Variants in ZFHX3 observed in about 807,000 individuals in gnomAD.
ZFHX3 encodes the protein zinc finger homeobox 3.
A neutral mutation model predicts 279.1 loss-of-function variants in ZFHX3; 42 were observed. That is an observed-to-expected ratio of 0.15 (90% confidence interval 0.12 to 0.19). The LOEUF is 0.19. ZFHX3 is among the 10% of genes least tolerant of loss of function. The pLI is 1.00. For missense variants in ZFHX3, 4,981 were observed against 4,754.0 expected (o/e 1.05, Z -1.40); for synonymous variants, 2,293 against 1,957.8 (o/e 1.17, Z -4.52).
At chr16:73,453,761 C>T (rs989810656) in intron 3 of ZFHX3, among the ~76,000 whole-genome samples, 46 of 152,322 alleles carry the variant, frequency 3.0e-4, no homozygotes, top group African/African-American at 1.0e-3. Flanking sequence ...GCTTCACAAT[C>T]ATGGTGGAAG....
intron 4 of ZFHX3, among the ~76,000 whole-genome samples, chr16:73,278,843 C>T (rs927351657): frequency 5.3e-5 from 8 of 152,206 alleles, no homozygotes; most frequent in Non-Finnish European, 7.4e-5. Context: ...AATCCCCTTG[C>T]TAGCTACAGA....
At position 73,671,903 on chromosome 16, in the gene ZFHX3, T is replaced by C. The variant is rs1037031610; in HGVS notation, c.-1547+8277A>G. ...ATATACATCTCTCTCATTATACATATAGAAAAAGCATGTCTCACTTGCCAA... is the reference window on the plus strand; with the variant it reads ...ATATACATCTCTCTCATTATACATACAGAAAAAGCATGTCTCACTTGCCAA... On this transcript the variant is annotated intron_variant, in intron 2 of 17. Transcript: ENST00000641206. Among the ~76,000 whole-genome samples the C allele has an allele frequency of 9.2e-5, 14 of 152,004 alleles. 1 individual carries two copies. Among genetic ancestry groups the C allele is most frequent in the Admixed American group, 8.5e-4 (13 of 15,262 alleles).
rs577925766 is a variant in ZFHX3 at position 73,091,804 on chromosome 16, A to G, written c.-533+1431T>C. ...GCCACAAGGATCACTGTAGCTGAAAACCCTGAGAATATCTATAAGGGTATT... is the reference window on the plus strand; with the variant it reads ...GCCACAAGGATCACTGTAGCTGAAAGCCCTGAGAATATCTATAAGGGTATT... On this transcript the variant is annotated intron_variant, in intron 8 of 17. Coordinates refer to the ZFHX3 transcript ENST00000641206. 1.2e-4 allele frequency among the ~76,000 whole-genome samples: 19 copies of G among 152,196 alleles called. No homozygotes were observed. The South Asian group carries it at 3.5e-3, about 28-fold the overall frequency.
chr16:73,060,721 T>C (rs1965673242), upstream of ZFHX3: 2 of 152,242 alleles, frequency 1.3e-5, no homozygotes, highest in Non-Finnish European at 2.9e-5. Context: ...ACAACATTTA[T>C]GTTTTTGAAG....
At chr16:73,845,135 T>A (rs1302909311) in intron 1 of ZFHX3, among the ~76,000 whole-genome samples, 1 of 152,176 alleles carries the variant, frequency 6.6e-6, no homozygotes, top group Non-Finnish European at 1.5e-5. Flanking sequence ...TTTGAAGTCA[T>A]TTTGAAATAA....
chr16:73,056,775 T>C (rs1965565497), intron 1 of ZFHX3, among the ~76,000 whole-genome samples: 2 of 152,240 alleles, frequency 1.3e-5, no homozygotes, highest in South Asian at 2.1e-4. Context: ...CTATTGATTA[T>C]GCAGATTGTG....
At chr16:73,666,560 A>G (rs901234897) in intron 2 of ZFHX3, among the ~76,000 whole-genome samples, 8 of 152,026 alleles carry the variant, frequency 5.3e-5, no homozygotes, top group African/African-American at 1.9e-4. Flanking sequence ...ATGTGAGGAC[A>G]TCACGTCAGA....
intron 5 of ZFHX3, among the ~76,000 whole-genome samples, chr16:73,253,190 A>G (rs2013561078): frequency 6.6e-6 from 1 of 152,166 alleles, no homozygotes; most frequent in Non-Finnish European, 1.5e-5. Context: ...AGATGTAAAG[A>G]AAGAAGGAGA....
intron 5 of ZFHX3, among the ~76,000 whole-genome samples, chr16:73,214,994 G>A (rs1237352388): frequency 1.3e-5 from 2 of 151,988 alleles, no homozygotes; most frequent in African/African-American, 4.8e-5. Flanking sequence ...TACAAAGTAT[G>A]GAACTGCAAT....
At chr16:73,085,181 A>G (rs1485924376) in intron 8 of ZFHX3, among the ~76,000 whole-genome samples, 1 of 152,252 alleles carries the variant, frequency 6.6e-6, no homozygotes, top group Non-Finnish European at 1.5e-5. Context: ...GTACTAGCAT[A>G]GAAACAGCCA....
At chr16:73,595,859 G>C (rs1222263586) in intron 2 of ZFHX3, among the ~76,000 whole-genome samples, 1 of 152,062 alleles carries the variant, frequency 6.6e-6, no homozygotes, top group African/African-American at 2.4e-5. Context: ...CCTCACCTCT[G>C]CATCCCATCT....
chr16:72,871,662 A>C (rs1177989599), intron 4 of ZFHX3, among the ~76,000 whole-genome samples: 2 of 151,396 alleles, frequency 1.3e-5, no homozygotes, highest in African/African-American at 4.9e-5. Flanking sequence ...TTTTTAGTAG[A>C]GACGGGGTTT....
chr16:72,833,253 C>T (rs1018323523), intron 4 of ZFHX3, among the ~76,000 whole-genome samples: 2 of 152,226 alleles, frequency 1.3e-5, no homozygotes, highest in Non-Finnish European at 2.9e-5. Flanking sequence ...GGGCTGTTAT[C>T]TAGCCCTTGT....
chr16:73,709,310 A>G (rs1252393522), intron 1 of ZFHX3, among the ~76,000 whole-genome samples: 1 of 151,690 alleles, frequency 6.6e-6, no homozygotes, highest in Admixed American at 6.6e-5. Context: ...GGTTAAAGTG[A>G]GCTATGATTG....
At chr16:73,125,598 G>A (rs749012251) in intron 7 of ZFHX3, among the ~76,000 whole-genome samples, 30 of 152,028 alleles carry the variant, frequency 2.0e-4, no homozygotes, top group Non-Finnish European at 4.0e-4. Flanking sequence ...AAAATGTGAA[G>A]AGAGAGACTC....
chr16:72,923,398 T>C (rs2144250209), intron 3 of ZFHX3, among the ~76,000 whole-genome samples: 1 of 145,674 alleles, frequency 6.9e-6, no homozygotes, highest in Middle Eastern at 3.7e-3. Flanking sequence ...TGAGCTGTGA[T>C]CACACCACTG....
At chr16:72,858,063 G>C (rs1243563143) in intron 4 of ZFHX3, among the ~76,000 whole-genome samples, 1 of 152,224 alleles carries the variant, frequency 6.6e-6, no homozygotes, top group African/African-American at 2.4e-5. Context: ...TCTCTTCCCT[G>C]ATCTGGTGCG....
At chr16:73,863,987 G>A (rs566224695) in intron 1 of ZFHX3, among the ~76,000 whole-genome samples, 157 of 152,192 alleles carry the variant, frequency 1.0e-3, no homozygotes, top group Non-Finnish European at 1.7e-3. Context: ...CAAAACTTAC[G>A]AATAGTAATT....
At chr16:73,130,415 C>T (rs1966658108) in intron 7 of ZFHX3, among the ~76,000 whole-genome samples, 1 of 152,154 alleles carries the variant, frequency 6.6e-6, no homozygotes, top group Non-Finnish European at 1.5e-5. Context: ...TACCAGGATC[C>T]CTGGCACCAT....
Sources: gnomAD v4.1 joint callset for allele counts (sites outside exome capture counted in the v4.1 genomes callset) on GRCh38, gnomAD v4.1.1 for gene constraint, MANE v1.5 for transcripts, NCBI Gene and HGNC (gene_info 2026-07-23, HGNC 2026-07-21) for gene names.